The following NUP214 variants were observed in gnomAD, a reference collection of about 807,000 sequenced individuals.
The protein encoded by NUP214 is nucleoporin 214, also known as nuclear pore complex protein Nup214.
A neutral mutation model predicts 196.2 loss-of-function variants in NUP214; 79 were observed. The ratio of observed to expected loss-of-function variants is 0.40; its 90% CI spans 0.34 to 0.49. NUP214 has a LOEUF of 0.49. NUP214 is among the 20% of genes least tolerant of loss of function. NUP214 has a pLI of 0.58. For missense variants in NUP214, 2,468 were observed against 2,539.0 expected, an observed-to-expected ratio of 0.97 and a Z score of 0.60; for synonymous variants, 1,020 against 990.5, an observed-to-expected ratio of 1.03 and a Z score of -0.56.
chr9:131,151,494 C>G (rs766534988), intron 16 of NUP214, among the ~76,000 whole-genome samples: 1 of 152,126 alleles, frequency 6.6e-6, no homozygotes, highest in Non-Finnish European at 1.5e-5. Flanking sequence ...GAGCTACTGT[C>G]TTTGTATTTT....
chr9:131,129,041 A>C (rs1331120987), intron 3 of NUP214, among the ~76,000 whole-genome samples: 1 of 152,216 alleles, frequency 6.6e-6, no homozygotes, highest in African/African-American at 2.4e-5. Context: ...GCAATTGTGC[A>C]TTCCCCTTCT....
At position 131,232,525 on chromosome 9, in the gene NUP214, G is replaced by C; in HGVS notation, c.6239+217G>C. On this transcript the variant is annotated intron_variant, in intron 35 of 35. Coordinates refer to ENST00000359428, the MANE Select transcript of NUP214 (RefSeq NM_005085.4). The surrounding 1 kb of genome is among the most constrained non-coding windows in gnomAD (Gnocchi z 5.1). The stretch of plus-strand genomic sequence containing the variant: ...GAGGTGCCAGGCCTCGCCTTCTTAA[G>C]AGGCGTGGTTCAAAGAGAAAAGAGC... The C allele has an allele frequency of 1.6e-6, 1 of 618,694 alleles. No individual in the cohort carries two copies. The highest frequency in any genetic ancestry group is 2.8e-5 in the East Asian group (1 of 35,988). The allele number at this position is 618,694 out of a possible 1,614,324, so 38.3% of individuals were successfully genotyped here. A position where few individuals can be genotyped will look rare whatever the true frequency, so the allele number is the denominator to read the frequency against.
At chr9:131,230,019 A>G (rs531644594) in intron 33 of NUP214, 2 of 326,210 alleles carry the variant, frequency 6.1e-6, no homozygotes, top group South Asian at 4.6e-5. Flanking sequence ...CTGATAGGTC[A>G]CACAGTGCCA....
At chr9:131,221,312 C>G (rs141251066) in intron 31 of NUP214, among the ~76,000 whole-genome samples, 1 of 152,292 alleles carries the variant, frequency 6.6e-6, no homozygotes, top group Non-Finnish European at 1.5e-5. Flanking sequence ...GCCAGGCTCT[C>G]AAATTGTCAG....
chr9:131,195,583 C>T (rs1833749843), intron 28 of NUP214: 1 of 322,496 alleles, frequency 3.1e-6, no homozygotes, highest in South Asian at 4.9e-5. Context: ...CATTTTTTGT[C>T]TGTAATTTAA....
intron 16 of NUP214, among the ~76,000 whole-genome samples, chr9:131,151,194 T>C (rs934874583): frequency 6.6e-6 from 1 of 152,260 alleles, no homozygotes; most frequent in Non-Finnish European, 1.5e-5. Context: ...TTAATTATTG[T>C]AACCATTATT....
chr9:131,207,657 C>T (rs1834122082), intron 30 of NUP214, among the ~76,000 whole-genome samples: 2 of 152,170 alleles, frequency 1.3e-5, no homozygotes, highest in African/African-American at 2.4e-5. Flanking sequence ...ATACAGAGGC[C>T]GCCTCTTGCT....
intron 34 of NUP214, among the ~76,000 whole-genome samples, chr9:131,231,024 T>C (rs1326238323): frequency 6.6e-6 from 1 of 151,990 alleles, no homozygotes; most frequent in African/African-American, 2.4e-5. Flanking sequence ...TCGCCAGACA[T>C]GGTGGCACAC....
In NUP214 at chr9:131,125,978, C is replaced by A; in HGVS notation, c.45+229C>A. On this transcript the variant is annotated intron_variant, in intron 1 of 35. Coordinates refer to ENST00000359428, the MANE Select transcript of NUP214 (RefSeq NM_005085.4). This position sits in a 1 kb window ranked among gnomAD's most constrained non-coding sequence, Gnocchi z 4.1. Reference sequence around the variant, plus strand: ...CACGGCTGTTGAGTTACCCTAGCTACTTCCTGGGGCGGTCACAATAGTGGC... The same window carrying A: ...CACGGCTGTTGAGTTACCCTAGCTAATTCCTGGGGCGGTCACAATAGTGGC... The A allele has an allele frequency of 1.7e-6, 1 of 571,558 alleles. No homozygotes were observed. Among genetic ancestry groups the A allele is most frequent in the Non-Finnish European group, 3.1e-6 (1 of 325,926 alleles). 35.4% of individuals were successfully genotyped at this position (571,558 alleles called of 1,614,324 possible).
chr9:131,184,824 A>G (rs1833404673), intron 24 of NUP214, among the ~76,000 whole-genome samples: 1 of 152,234 alleles, frequency 6.6e-6, no homozygotes, highest in African/African-American at 2.4e-5. Context: ...GTTGGCAGTT[A>G]TATTTCCATC....
rs1409715143 is a variant in NUP214 at position 131,149,139 on chromosome 9, T to C, written c.2041-1185T>C. ...ATGTCTTTTCCTTTCTGTGTCCCTC[T>C]AACCAACCCTTGTACCCTAACACAC... is the stretch of plus-strand genomic sequence containing the variant. On this transcript the variant is annotated intron_variant, in intron 14 of 35. Transcript: ENST00000359428. Among the ~76,000 whole-genome samples, 3 of 138,270 alleles carry C rather than the reference T, an allele frequency of 2.2e-5. No homozygotes were observed. In the East Asian group the frequency reaches 7.1e-4, roughly 33 times the overall value. The allele number at this position is 138,270 out of a possible 152,430, so 90.7% of individuals were successfully genotyped here. A position where few individuals can be genotyped will look rare whatever the true frequency, so the allele number is the denominator to read the frequency against.
intron 31 of NUP214, among the ~76,000 whole-genome samples, chr9:131,222,185 G>A (rs1019017111): frequency 2.0e-5 from 3 of 152,112 alleles, no homozygotes; most frequent in Non-Finnish European, 4.4e-5. Flanking sequence ...TATCCCCTTG[G>A]ATCAAAGACA....
chr9:131,193,629 C>CTTTTTTTTGTTTTTTTTTTTTTTTT (rs1833678932), intron 27 of NUP214, among the ~76,000 whole-genome samples: 1 of 28,218 alleles, frequency 3.5e-5, no homozygotes, highest in Non-Finnish European at 6.5e-5. Flanking sequence ...TCTTCCTTTT[C>CTTTTTTTTGTTTTTTTTTTTTTTTT]TTTTTTTTTT....
At position 131,147,559 on chromosome 9, in the gene NUP214, C is replaced by T; in HGVS notation, c.2015C>T (p.Pro672Leu). 6.2e-7 allele frequency: 1 copy of T among 1,613,990 alleles called. No individual in the cohort carries two copies. The highest frequency in any genetic ancestry group is 2.2e-5 in the East Asian group (1 of 44,876). ...MVQKSPRITP[P>L]AAKPGSPQAK... The stretch of plus-strand genomic sequence containing the variant: ...CAGAAATCACCCAGGATAACCCCTC[C>T]AGCGGCAAAGCCAGGCTCTCCCCAG... Residue 672 changes from proline (P) to leucine (L), a missense_variant, in exon 14 of 36, where the codon CCA becomes CTA. Transcript: ENST00000359428.
At position 131,166,633 on chromosome 9, in the gene NUP214, C is replaced by T. The variant is rs567907904; in HGVS notation, c.2893+2489C>T. On this transcript the variant is annotated intron_variant, in intron 21 of 35. Transcript: ENST00000359428. ...GTGCACAAAACAAAAACGTATATCC[C>T]TGTAGCCTCTACCCAGGTCAAGAAA... 3.3e-5 allele frequency among the ~76,000 whole-genome samples: 5 copies of T among 152,262 alleles called. No homozygotes were observed. The South Asian group carries it at 1.0e-3, about 32-fold the overall frequency.
At chr9:131,205,509 C>A (rs546676462) in intron 30 of NUP214, among the ~76,000 whole-genome samples, 4 of 152,278 alleles carry the variant, frequency 2.6e-5, no homozygotes, top group African/African-American at 9.6e-5. Flanking sequence ...AAATGAGTGC[C>A]TTTGTTCACC....
chr9:131,226,545 C>T lies in NUP214; in HGVS notation c.5903-1615C>T, dbSNP rs577321816. Among the ~76,000 whole-genome samples, 26 of 152,042 alleles carry T rather than the reference C, an allele frequency of 1.7e-4. No homozygotes were observed. The East Asian group carries it at 3.5e-3, about 20-fold the overall frequency. Reference sequence around the variant, plus strand: ...AATATTGATACAAGGTACTAGATAGCGCCCTGCATGTCTAGGAAGAAAGTG... The same window carrying T: ...AATATTGATACAAGGTACTAGATAGTGCCCTGCATGTCTAGGAAGAAAGTG... On this transcript the variant is annotated intron_variant, in intron 32 of 35. Transcript: ENST00000359428.
chr9:131,172,640 A>C (rs1832992384), intron 21 of NUP214, among the ~76,000 whole-genome samples: 1 of 152,216 alleles, frequency 6.6e-6, no homozygotes, highest in Non-Finnish European at 1.5e-5. Context: ...TGAAATGTGG[A>C]TAGTGCAATC....
chr9:131,139,685 T>G lies in NUP214; in HGVS notation c.1132+278T>G, dbSNP rs102993. Among the ~76,000 whole-genome samples the G allele has an allele frequency of 0.24, 36,078 of 152,192 alleles. 4,874 individuals carry two copies. Among genetic ancestry groups the G allele is most frequent in the Middle Eastern group, 0.37 (109 of 292 alleles). ...TGTCTGGGTGTACTTTAGAATCTGG[T>G]TGAAATATAGAACATCAGGATTTTA... On this transcript the variant is annotated intron_variant, in intron 10 of 35. Coordinates refer to ENST00000359428, the MANE Select transcript of NUP214 (RefSeq NM_005085.4).
Sources: allele counts gnomAD v4.1 joint callset (sites outside exome capture counted in the v4.1 genomes callset), GRCh38; gene constraint gnomAD v4.1.1; non-coding constraint Gnocchi (gnomAD v3.1); transcripts MANE v1.5; gene names NCBI Gene and HGNC (gene_info 2026-07-23, HGNC 2026-07-21).